MGAT4C: variants seen among roughly 807,000 people sequenced by gnomAD.
The protein encoded by MGAT4C is MGAT4 family member C, also known as alpha-1,3-mannosyl-glycoprotein 4-beta-N-acetylglucosaminyltransferase C.
A neutral mutation model predicts 40.1 loss-of-function variants in MGAT4C; 19 were observed. That is an observed-to-expected ratio of 0.47 (90% CI 0.33 to 0.70). MGAT4C has a LOEUF of 0.70. MGAT4C is among the 30% of genes least tolerant of loss of function. MGAT4C has a pLI of 0.02. For missense variants in MGAT4C, 491 were observed against 563.2 expected (o/e 0.87, Z 1.30); for synonymous variants, 181 against 187.1 (o/e 0.97, Z 0.27).
intron 1 of MGAT4C, among the ~76,000 whole-genome samples, chr12:86,805,540 C>T (rs1414974989): frequency 6.6e-6 from 1 of 151,922 alleles, no homozygotes; most frequent in African/African-American, 2.4e-5. Context: ...CTGCAAAGGG[C>T]ATAGTTTTTT....
At chr12:86,540,040 T>C (rs1025224214) in intron 2 of MGAT4C, among the ~76,000 whole-genome samples, 3 of 152,236 alleles carry the variant, frequency 2.0e-5, no homozygotes, top group African/African-American at 7.2e-5. Context: ...ATCCCATTTG[T>C]CAATGTTGGC....
intron 2 of MGAT4C, among the ~76,000 whole-genome samples, chr12:86,668,303 T>C (rs1444998498): frequency 6.6e-6 from 1 of 152,172 alleles, no homozygotes. Flanking sequence ...AGGAAGATGC[T>C]GGCAAACAGC....
intron 2 of MGAT4C, among the ~76,000 whole-genome samples, chr12:86,494,925 C>T (rs1156954359): frequency 1.3e-5 from 2 of 151,812 alleles, no homozygotes; most frequent in South Asian, 2.1e-4. Context: ...AGATGATAAT[C>T]GACAATGAGA....
At chr12:86,585,854 T>C (rs1961005615) in intron 2 of MGAT4C, among the ~76,000 whole-genome samples, 1 of 151,342 alleles carries the variant, frequency 6.6e-6, no homozygotes. Context: ...CTGAAGGTGA[T>C]GATTATGACT....
chr12:85,996,006 C>T (rs779620537), intron 2 of MGAT4C, among the ~76,000 whole-genome samples: 1 of 152,168 alleles, frequency 6.6e-6, no homozygotes, highest in Non-Finnish European at 1.5e-5. Flanking sequence ...AACTTAACTC[C>T]ATACTAGTAC....
chr12:86,229,333 T>A (rs1951223213), intron 1 of MGAT4C, among the ~76,000 whole-genome samples: 1 of 151,884 alleles, frequency 6.6e-6, no homozygotes, highest in South Asian at 2.1e-4. Context: ...GTCTTTTCTT[T>A]GTTCTCATGA....
Position 86,713,562 on chromosome 12 carries a change from A to C in MGAT4C, c.-229+13647T>G, listed in dbSNP as rs113688846. ...TAACTTTTTGAAGACTATATGCTAC[A>C]AGAAAGGATAGTTTCATGAAAATAT... On this transcript the variant is annotated intron_variant, in intron 2 of 7. Coordinates refer to the MGAT4C transcript ENST00000548651. Among the ~76,000 whole-genome samples the C allele has an allele frequency of 3.4e-3, 523 of 152,238 alleles. 1 individual carries two copies. The highest frequency in any genetic ancestry group is 0.012 in the African/African-American group (501 of 41,564).
chr12:86,203,092 A>T (rs1393484222), intron 1 of MGAT4C, among the ~76,000 whole-genome samples: 1 of 151,612 alleles, frequency 6.6e-6, no homozygotes, highest in African/African-American at 2.4e-5. Context: ...AATTCTGCAC[A>T]TGGTCAATGT....
chr12:86,468,385 A>T (rs1221710275), intron 2 of MGAT4C, among the ~76,000 whole-genome samples: 2 of 151,904 alleles, frequency 1.3e-5, no homozygotes, highest in African/African-American at 4.8e-5. Flanking sequence ...CCTGTTCTTC[A>T]TATCTTCATT....
chr12:86,350,588 C>T lies in MGAT4C; in HGVS notation c.-119-16461G>A, dbSNP rs563167289. On this transcript the variant is annotated intron_variant, in intron 3 of 7. Transcript: ENST00000548651. The stretch of plus-strand genomic sequence containing the variant: ...TAAGATAATGATATCAAATGGAATT[C>T]ACTTATGCATAAAAGAAAAAAGAAC... 1.2e-3 allele frequency among the ~76,000 whole-genome samples: 185 copies of T among 152,182 alleles called. 1 individual carries two copies. Among genetic ancestry groups the T allele is most frequent in the African/African-American group, 4.1e-3 (169 of 41,540 alleles).
intron 1 of MGAT4C, among the ~76,000 whole-genome samples, chr12:86,837,482 T>C (rs1189546592): frequency 6.6e-6 from 1 of 152,068 alleles, no homozygotes; most frequent in Non-Finnish European, 1.5e-5. Context: ...TAGCCACCAC[T>C]TCCTCTCTTG....
At chr12:86,353,277 T>C (rs1295771018) in intron 3 of MGAT4C, among the ~76,000 whole-genome samples, 5 of 152,170 alleles carry the variant, frequency 3.3e-5, no homozygotes, top group African/African-American at 1.2e-4. Context: ...AGAGTAATTA[T>C]GTCACACTCT....
intron 2 of MGAT4C, among the ~76,000 whole-genome samples, chr12:86,597,963 G>C (rs1218857590): frequency 1.3e-5 from 2 of 152,014 alleles, no homozygotes; most frequent in East Asian, 3.9e-4. Context: ...CTATAACACT[G>C]ACTCACCTAG....
intron 2 of MGAT4C, among the ~76,000 whole-genome samples, chr12:86,435,546 A>G (rs1037068281): frequency 6.6e-6 from 1 of 151,954 alleles, no homozygotes; most frequent in Non-Finnish European, 1.5e-5. Flanking sequence ...TCAAGATGAT[A>G]CTGTCTGGTA....
intron 4 of MGAT4C, among the ~76,000 whole-genome samples, chr12:86,286,402 A>G (rs1419217066): frequency 6.6e-6 from 1 of 152,188 alleles, no homozygotes; most frequent in African/African-American, 2.4e-5. Context: ...GGTAGTACTT[A>G]TACTTGTTTG....
intron 2 of MGAT4C, among the ~76,000 whole-genome samples, chr12:86,657,518 G>T (rs1963879787): frequency 6.6e-6 from 1 of 151,756 alleles, no homozygotes; most frequent in African/African-American, 2.4e-5. Flanking sequence ...GCAGAAATTA[G>T]GTGATAAGAA....
At chr12:86,393,467 A>AT (rs909441358) in intron 3 of MGAT4C, among the ~76,000 whole-genome samples, 3 of 152,056 alleles carry the variant, frequency 2.0e-5, no homozygotes, top group Non-Finnish European at 4.4e-5. Flanking sequence ...GAGAGACAAA[A>AT]TTTTTTTTCC....
intron 2 of MGAT4C, among the ~76,000 whole-genome samples, chr12:85,992,967 C>T (rs910967193): frequency 1.3e-5 from 2 of 152,210 alleles, no homozygotes; most frequent in Non-Finnish European, 2.9e-5. Flanking sequence ...CCCCTTTGCT[C>T]TTCCCTATGC....
At position 86,768,608 on chromosome 12, in the gene MGAT4C, C is replaced by G. The variant is rs376478513; in HGVS notation, c.-261-41367G>C. Among the ~76,000 whole-genome samples, 555 of 151,698 alleles carry G rather than the reference C, an allele frequency of 3.7e-3. 7 individuals are homozygous for G. The highest frequency in any genetic ancestry group is 0.025 in the South Asian group (119 of 4,810). ...AAGCTGGAGGCATCACGCTACCTGA[C>G]TTCAAACTATACTACAAGGCTACAG... On this transcript the variant is annotated intron_variant, in intron 1 of 7. Coordinates refer to the MGAT4C transcript ENST00000548651.
Sources: gnomAD v4.1 joint callset for allele counts (sites outside exome capture counted in the v4.1 genomes callset) on GRCh38, gnomAD v4.1.1 for gene constraint, MANE v1.5 for transcripts, NCBI Gene and HGNC (gene_info 2026-07-23, HGNC 2026-07-21) for gene names.